ACLY: variants seen among roughly 807,000 people sequenced by gnomAD.
The protein encoded by ACLY is ATP citrate lyase.
ACLY carries 41 observed loss-of-function variants against 133.0 expected under a neutral mutation model. The ratio of observed to expected loss-of-function variants is 0.31; its 90% CI spans 0.24 to 0.40. The LOEUF is 0.40. ACLY is among the 10% of genes least tolerant of loss of function. The pLI is 1.00. For synonymous variants in ACLY, 495 were observed against 549.3 expected (o/e 0.90, Z 1.38); for missense variants, 1,046 against 1,453.8 (o/e 0.72, Z 4.56).
rs201197177 is a variant in ACLY, at chr17:41,907,409, C to T, written c.747+33G>A. ...GAGTCACCTCCCCACCGCCCTCCCC[C>T]CAGTCCCCATCTCCTCTCTAAACCA... On this transcript the variant is annotated intron_variant, in intron 7 of 28. Coordinates refer to ENST00000352035, the MANE Select transcript of ACLY (RefSeq NM_001096.3). 7.5e-6 allele frequency: 12 copies of T among 1,603,176 alleles called. No homozygotes were observed. The African/African-American group carries it at 1.3e-4, about 18-fold the overall frequency.
intron 1 of ACLY, among the ~76,000 whole-genome samples, chr17:41,925,028 TTTATTA>T (rs149814936): frequency 1.3e-5 from 2 of 149,412 alleles, no homozygotes; most frequent in African/African-American, 4.9e-5. Flanking sequence ...TCTGAATGAG[TTTATTA>T]TTATTATTAT....
intron 11 of ACLY, among the ~76,000 whole-genome samples, chr17:41,899,094 G>A (rs1555631032): frequency 6.6e-6 from 1 of 152,104 alleles, no homozygotes. Context: ...GGCCAACGTG[G>A]TGAAACCCTG....
At chr17:41,909,171 T>G in intron 5 of ACLY, 103 bp from the exon 6 acceptor site, 1 of 881,838 alleles carries the variant, frequency 1.1e-6, no homozygotes. Flanking sequence ...ACAGCTCCAT[T>G]TCCCTAAACG....
At chr17:41,876,252 C>T (rs1403937725) in intron 22 of ACLY, among the ~76,000 whole-genome samples, 1 of 150,562 alleles carries the variant, frequency 6.6e-6, no homozygotes, top group Non-Finnish European at 1.5e-5. Flanking sequence ...TGGGGGTCAG[C>T]CCCCCGCCCG....
In ACLY at chr17:41,904,774, A is replaced by G; in HGVS notation, c.1020T>C (p.Ile340=). The change falls in exon 10 of 29, where the codon ATT becomes ATC. Residue 340 remains isoleucine, a synonymous_variant. Transcript: ENST00000352035. The part of the protein sequence containing the change: ...EKHPDGKILI[I]GGSIANFTNV... ...TGGTGAAGTTTGCGATGCTGCCTCC[A>G]ATGATGAGGATCTTGCCTGGATTTG... The G allele has an allele frequency of 6.2e-7, 1 of 1,614,048 alleles. No individual in the cohort carries two copies. The highest frequency in any genetic ancestry group is 8.5e-7 in the Non-Finnish European group (1 of 1,179,906).
In ACLY at chr17:41,869,133, G is replaced by A. The variant is rs2048535770; in HGVS notation, c.3052-8C>T. On this transcript the variant is annotated splice_polypyrimidine_tract_variant and splice_region_variant and intron_variant, in intron 26 of 28. Coordinates refer to ENST00000352035, the MANE Select transcript of ACLY (RefSeq NM_001096.3). ...CAGGATAAGATTTGGCTTCTGGGAA[G>A]GCAAAAAAATTCAAAGCATTTATCA... 1.2e-6 allele frequency: 2 copies of A among 1,604,962 alleles called. No individual in the cohort carries two copies.
intron 28 of ACLY, 48 bp from the exon 29 acceptor site, chr17:41,867,952 G>A (rs1178665600): frequency 4.4e-6 from 6 of 1,372,016 alleles, no homozygotes; most frequent in Non-Finnish European, 4.1e-6. Context: ...CATAAGCCTG[G>A]TGAGAGGAAG....
intron 22 of ACLY, among the ~76,000 whole-genome samples, chr17:41,877,836 A>C (rs782307461): frequency 3.3e-5 from 5 of 152,096 alleles, no homozygotes; most frequent in African/African-American, 7.2e-5. Context: ...TCGGACTCCA[A>C]GTTCTTCAGT....
At chr17:41,868,628 AACTC>A in intron 28 of ACLY, 77 bp downstream of exon 28, 2 of 893,946 alleles carry the variant, frequency 2.2e-6, no homozygotes, top group Non-Finnish European at 3.3e-6. Flanking sequence ...AAGAAAAAGA[AACTC>A]AACCCCATGA....
At chr17:41,918,611 G>A (rs1223666371) in intron 1 of ACLY, among the ~76,000 whole-genome samples, 2 of 152,220 alleles carry the variant, frequency 1.3e-5, no homozygotes, top group Non-Finnish European at 2.9e-5. Flanking sequence ...AGAGGCAGAA[G>A]AGGCAAGGAT....
rs782458381 is a variant in ACLY at position 41,887,613 on chromosome 17, T to C, written c.1861A>G (p.Ile621Val). 1.9e-6 allele frequency: 3 copies of C among 1,613,812 alleles called. No homozygotes were observed. The highest frequency in any genetic ancestry group is 2.2e-5 in the South Asian group (2 of 91,078). ...KKADQKGVTI[I>V]GPATVGGIKP... ...GGGAAGCTCACAGTGGCAGGTCCGA[T>C]GATGGTCACTCCCTTCTGGTCCGCC... is the stretch of plus-strand genomic sequence containing the variant. Residue 621 changes from isoleucine (I) to valine (V), a missense_variant, in exon 17 of 29, where the codon ATC becomes GTC. Around this residue, in one of 4 missense-constraint regions of ACLY, gnomAD observed 575 missense variants for 804.2 expected, o/e 0.71. Coordinates refer to ENST00000352035, the MANE Select transcript of ACLY (RefSeq NM_001096.3).
chr17:41,871,920 G>A (rs1430907582), intron 24 of ACLY, 88 bp from the exon 25 acceptor site: 13 of 1,595,558 alleles, frequency 8.1e-6, no homozygotes, highest in Non-Finnish European at 1.1e-5. Context: ...GAACGGCCCT[G>A]AGCACTGGGT....
intron 1 of ACLY, among the ~76,000 whole-genome samples, chr17:41,916,271 C>T (rs1407958702): frequency 6.6e-6 from 1 of 151,998 alleles, no homozygotes; most frequent in Non-Finnish European, 1.5e-5. Context: ...TGCAAATTCA[C>T]CAATAAAGAG....
intron 6 of ACLY, 54 bp downstream of exon 6, chr17:41,908,935 G>T: frequency 7.1e-7 from 1 of 1,413,116 alleles, no homozygotes; most frequent in Non-Finnish European, 1.0e-6. Flanking sequence ...CAAGGCCAGG[G>T]CTGTCATAGG....
chr17:41,898,885 T>C (rs1198423632), intron 11 of ACLY, 100 bp from the exon 12 acceptor site: 1 of 1,232,954 alleles, frequency 8.1e-7, no homozygotes. Context: ...TGATCAGTGT[T>C]TGGCGCATTC....
intron 7 of ACLY, among the ~76,000 whole-genome samples, chr17:41,907,219 G>A (rs2049745595): frequency 6.6e-6 from 1 of 152,132 alleles, no homozygotes; most frequent in South Asian, 2.1e-4. Flanking sequence ...GTCGAGGGAG[G>A]CTGATTGAGA....
At chr17:41,876,006 T>C (rs1477797298) in intron 22 of ACLY, among the ~76,000 whole-genome samples, 34 of 150,950 alleles carry the variant, frequency 2.3e-4, no homozygotes, top group African/African-American at 8.1e-4. Flanking sequence ...GGAGCGCCTC[T>C]TCCCGGCCGC....
At chr17:41,918,972 C>A, upstream of ACLY, 1 of 1,288,736 alleles carries the variant, frequency 7.8e-7, no homozygotes, top group Non-Finnish European at 1.0e-6. Flanking sequence ...TTCCCGGGAT[C>A]CGGCTTTTGT....
chr17:41,897,952 C>T, intron 12 of ACLY, 113 bp from the exon 13 acceptor site: 1 of 868,012 alleles, frequency 1.2e-6, no homozygotes. Context: ...CACAGCAATG[C>T]TCTTTATAAG....
Sources: allele counts gnomAD v4.1 joint callset (sites outside exome capture counted in the v4.1 genomes callset), GRCh38; gene constraint gnomAD v4.1.1; regional missense constraint gnomAD v4.1.1; transcripts MANE v1.5; gene names NCBI Gene and HGNC (gene_info 2026-07-23, HGNC 2026-07-21).